GLS2: variants seen among roughly 807,000 people sequenced by gnomAD.
GLS2 encodes glutaminase liver isoform, mitochondrial.
In GLS2, 52 loss-of-function variants were observed where a neutral mutation model predicts 79.0. That is an observed-to-expected ratio of 0.66 (90% CI 0.53 to 0.83). The LOEUF is 0.83. Among genes scored for constraint, GLS2 ranks in the 40% least tolerant of loss-of-function variants. The pLI is 0.00. For synonymous variants in GLS2, 238 were observed against 280.8 expected (o/e 0.85, Z 1.52); for missense variants, 561 against 764.8 (o/e 0.73, Z 3.14).
At chr12:56,484,284 A>G (rs946958504) in intron 1 of GLS2, among the ~76,000 whole-genome samples, 1 of 152,312 alleles carries the variant, frequency 6.6e-6, no homozygotes, top group Non-Finnish European at 1.5e-5. Context: ...ACATAAATAC[A>G]TAAATAGGTA....
rs1324307049 is a variant in GLS2, at chr12:56,473,240, C to T, written c.1437G>A (p.Gly479=). 1 of 1,614,006 alleles carries T rather than the reference C, an allele frequency of 6.2e-7. No individual in the cohort carries two copies. Among genetic ancestry groups the T allele is most frequent in the Admixed American group, 1.7e-5 (1 of 59,980 alleles). The part of the protein sequence containing the change: ...CARKLDPRRE[G]AEIRNKTVVN... ...GAGTTTTCCTTACCCGAATTTCTGC[C>T]CCTTCACGCCGTGGGTCTAACTTCC... The change falls in exon 14 of 18, where the codon GGG becomes GGA. Residue 479 remains glycine, a synonymous_variant. Transcript: ENST00000311966.
At chr12:56,471,697 T>C (rs1869279959) in intron 17 of GLS2, 54 bp from the exon 18 acceptor site, 7 of 1,612,098 alleles carry the variant, frequency 4.3e-6, no homozygotes, top group South Asian at 1.1e-5. Context: ...GTGGTGGTTG[T>C]ATATATTTGC....
chr12:56,474,703 G>A lies in GLS2; in HGVS notation c.1065C>T (p.Val355=), dbSNP rs781036223. 2 of 1,611,084 alleles carry A rather than the reference G, an allele frequency of 1.2e-6. No individual in the cohort carries two copies. Among genetic ancestry groups the A allele is most frequent in the South Asian group, 1.1e-5 (1 of 90,746 alleles). The part of the protein sequence containing the change: ...DLYFQLCSVE[V]TCESGSVMAA... The stretch of plus-strand genomic sequence containing the variant: ...CCATGACACTGCCTGATTCACAAGT[G>A]ACCTCCACAGAACACAGCTATGAAA... Residue 355 remains valine, a synonymous_variant, in exon 12 of 18, where the codon GTC becomes GTT. Coordinates refer to ENST00000311966, the MANE Select transcript of GLS2 (RefSeq NM_013267.4).
In GLS2 at chr12:56,474,838, TTTC is replaced by T. The variant is rs766646643; in HGVS notation, c.1047+5_1047+7del. On this transcript the variant is annotated splice_donor_5th_base_variant and intron_variant, in intron 11 of 17. Coordinates refer to ENST00000311966, the MANE Select transcript of GLS2 (RefSeq NM_013267.4). ...CTGTTCCCTCGGCCCTGAGCAGTGTTTTCTTACCTGGAAGTAGAGATCAAGGGC... is the reference window on the plus strand; with the variant it reads ...CTGTTCCCTCGGCCCTGAGCAGTGTTTTACCTGGAAGTAGAGATCAAGGGC... The T allele has an allele frequency of 1.2e-6, 2 of 1,614,024 alleles. No homozygotes were observed. Among genetic ancestry groups the T allele is most frequent in the African/African-American group, 2.7e-5 (2 of 74,904 alleles).
intron 1 of GLS2, among the ~76,000 whole-genome samples, chr12:56,483,800 C>G (rs916594238): frequency 3.3e-5 from 5 of 151,924 alleles, no homozygotes; most frequent in Non-Finnish European, 4.4e-5. Context: ...TTTTGGGGAA[C>G]AGGTGGTGTT....
At chr12:56,473,373 G>A (rs1359848605) in intron 13 of GLS2, 53 bp from the exon 14 acceptor site, 10 of 1,604,370 alleles carry the variant, frequency 6.2e-6, no homozygotes, top group Admixed American at 1.7e-5. Context: ...CTTAGTAGGA[G>A]CTCAAAATTG....
At chr12:56,483,482 T>TA (rs1481494780) in intron 1 of GLS2, among the ~76,000 whole-genome samples, 2 of 151,922 alleles carry the variant, frequency 1.3e-5, no homozygotes, top group East Asian at 1.9e-4. Flanking sequence ...TTATGCAGTG[T>TA]AAAAAAAAGA....
In GLS2 at chr12:56,474,507, G is replaced by A. The variant is rs774278224; in HGVS notation, c.1224+37C>T. 21 of 1,611,072 alleles carry A rather than the reference G, an allele frequency of 1.3e-5. No individual in the cohort carries two copies. In the East Asian group the frequency reaches 4.7e-4, roughly 36 times the overall value. The stretch of plus-strand genomic sequence containing the variant: ...TCAGTGTTCTCTCTTCTTAGCACTG[G>A]GCTCATGACAGATGGATAGCAGAGC... On this transcript the variant is annotated intron_variant, in intron 12 of 17. Transcript: ENST00000311966.
At chr12:56,472,953 G>A (rs1030333139) in intron 14 of GLS2, 23 of 585,292 alleles carry the variant, frequency 3.9e-5, no homozygotes, top group South Asian at 2.5e-4. Context: ...AGTGGCGCGC[G>A]GTCTTGGCTC....
intron 9 of GLS2, 183 bp from the exon 10 acceptor site, chr12:56,475,293 TG>T: frequency 6.8e-7 from 1 of 1,460,022 alleles, no homozygotes; most frequent in Non-Finnish European, 9.2e-7. Flanking sequence ...AGCATAGTTT[TG>T]TTATAAAGTA....
chr12:56,471,569 T>C lies in GLS2; in HGVS notation c.1727A>G (p.Gln576Arg). Residue 576 changes from glutamine to arginine, a missense_variant, in exon 18 of 18, where the codon CAG (glutamine) becomes CGG (arginine). Transcript: ENST00000311966. Reference sequence around the variant, plus strand: ...AGTTTCAGAGAGTGTGTAGGAGTCCTGGTAATCTTGAAGCAGTTTGACCAC... The same window carrying C: ...AGTTTCAGAGAGTGTGTAGGAGTCCCGGTAATCTTGAAGCAGTTTGACCAC... The part of the protein sequence containing the change: ...LEVVKLLQDY[Q>R]DSYTLSETQA... 6.2e-7 allele frequency: 1 copy of C among 1,614,130 alleles called. No individual in the cohort carries two copies. The highest frequency in any genetic ancestry group is 8.5e-7 in the Non-Finnish European group (1 of 1,180,000).
At chr12:56,475,547 C>T (rs1000094799) in intron 9 of GLS2, 77 bp downstream of exon 9, 10 of 1,446,704 alleles carry the variant, frequency 6.9e-6, no homozygotes, top group Middle Eastern at 1.8e-4. Context: ...CTCTCTCCCC[C>T]ATTCCTCTTG....
chr12:56,472,607 T>C (rs538737952), intron 15 of GLS2, 83 bp downstream of exon 15: 1 of 1,268,742 alleles, frequency 7.9e-7, no homozygotes, highest in Middle Eastern at 1.9e-4. Flanking sequence ...GCTGAAGCAC[T>C]TAACTATTTT....
At chr12:56,473,719 G>C in intron 12 of GLS2, 125 bp from the exon 13 acceptor site, 1 of 1,215,816 alleles carries the variant, frequency 8.2e-7, no homozygotes, top group Non-Finnish European at 1.1e-6. Flanking sequence ...TCAACCTTTT[G>C]GCTTGTTAAT....
At chr12:56,477,470 T>G in intron 7 of GLS2, 190 bp downstream of exon 7, 1 of 533,622 alleles carries the variant, frequency 1.9e-6, no homozygotes, top group East Asian at 3.0e-5. Flanking sequence ...ATGACGGAGG[T>G]GGTGCAGTCT....
intron 1 of GLS2, among the ~76,000 whole-genome samples, chr12:56,481,199 C>CTTTTTTTTTTT (rs767616017): frequency 1.3e-5 from 1 of 78,986 alleles, no homozygotes; most frequent in Non-Finnish European, 2.3e-5. Flanking sequence ...TGCCAGTGAT[C>CTTTTTTTTTTT]TTTTTTTTTT....
At chr12:56,479,269 T>G (rs764520029) in intron 3 of GLS2, 88 bp from the exon 4 acceptor site, 10 of 1,522,612 alleles carry the variant, frequency 6.6e-6, no homozygotes, top group African/African-American at 1.4e-5. Flanking sequence ...ATAAAGAAGG[T>G]TGAGTGGTCT....
In GLS2 at chr12:56,474,771, C is replaced by T. The variant is rs1384139996; in HGVS notation, c.1048-51G>A. On this transcript the variant is annotated intron_variant, in intron 11 of 17. Coordinates refer to ENST00000311966, the MANE Select transcript of GLS2 (RefSeq NM_013267.4). ...ATGTGACGTGAACCTGCACATGGGA[C>T]CCTCGGGTGTAGGGAAAGGGCAAGG... 8 of 1,612,142 alleles carry T rather than the reference C, an allele frequency of 5.0e-6. No individual in the cohort carries two copies. The South Asian group carries it at 6.6e-5, about 13-fold the overall frequency.
intron 3 of GLS2, 132 bp from the exon 4 acceptor site, chr12:56,479,313 G>T: frequency 8.7e-7 from 1 of 1,154,488 alleles, no homozygotes; most frequent in Non-Finnish European, 1.2e-6. Context: ...GTTACCTTTG[G>T]CAAATCAGTT....
Sources: allele counts gnomAD v4.1 joint callset (sites outside exome capture counted in the v4.1 genomes callset), GRCh38; gene constraint gnomAD v4.1.1; transcripts MANE v1.5; gene names NCBI Gene and HGNC (gene_info 2026-07-23, HGNC 2026-07-21).